LCOR: variants seen among roughly 807,000 people sequenced by gnomAD.
The protein encoded by LCOR is ligand-dependent corepressor.
A neutral mutation model predicts 64.4 loss-of-function variants in LCOR; 14 were observed. That is an observed-to-expected ratio of 0.22 (90% CI 0.14 to 0.34). The LOEUF is 0.34. LCOR is among the 10% of genes least tolerant of loss of function. The pLI, the probability that LCOR is intolerant of heterozygous loss-of-function variation, is 1.00. For synonymous variants in LCOR, 643 were observed against 642.5 expected (o/e 1.00, Z -0.01); for missense variants, 1,686 against 1,765.3 (o/e 0.96, Z 0.80).
chr10:96,927,363 C>G (rs1161860056), intron 4 of LCOR, among the ~76,000 whole-genome samples: 3 of 151,656 alleles, frequency 2.0e-5, no homozygotes, highest in East Asian at 1.9e-4. Context: ...TATAATAATT[C>G]TTTATATATT....
At chr10:96,966,842 C>T (rs778488102) in intron 7 of LCOR, among the ~76,000 whole-genome samples, 3 of 152,118 alleles carry the variant, frequency 2.0e-5, no homozygotes, top group African/African-American at 7.2e-5. Context: ...CTTACGTGAT[C>T]CTCCCACCTC....
At chr10:96,898,988 CG>C (rs1336874187) in intron 2 of LCOR, among the ~76,000 whole-genome samples, 3 of 151,988 alleles carry the variant, frequency 2.0e-5, no homozygotes, top group Non-Finnish European at 4.4e-5. Flanking sequence ...ACTCAATGAC[CG>C]GAATACTTGG....
chr10:96,876,930 G>GC (rs1378956582), intron 2 of LCOR, among the ~76,000 whole-genome samples: 2 of 152,138 alleles, frequency 1.3e-5, no homozygotes, highest in Non-Finnish European at 2.9e-5. Context: ...CCTGACCTCA[G>GC]GTGATCCACC....
At chr10:96,833,308 C>T in intron 1 of LCOR, 98 bp from the exon 2 acceptor site, 1 of 948,418 alleles carries the variant, frequency 1.1e-6, no homozygotes, top group Non-Finnish European at 1.3e-6. Context: ...TTTTTCCCTG[C>T]GGGCCGGAGG....
At chr10:96,870,130 C>T (rs910130509) in intron 2 of LCOR, among the ~76,000 whole-genome samples, 1 of 152,126 alleles carries the variant, frequency 6.6e-6, no homozygotes, top group Non-Finnish European at 1.5e-5. Flanking sequence ...TCTCGGCTCA[C>T]TGCAAGCTCT....
intron 2 of LCOR, among the ~76,000 whole-genome samples, chr10:96,849,607 C>T (rs1845692424): frequency 1.3e-5 from 2 of 152,172 alleles, no homozygotes; most frequent in African/African-American, 4.8e-5. Flanking sequence ...GATAATTACA[C>T]TCGACCTTAT....
At chr10:96,949,328 A>T in intron 6 of LCOR, 33 bp downstream of exon 6, 1 of 1,593,046 alleles carries the variant, frequency 6.3e-7, no homozygotes. Flanking sequence ...CCTCTATCTT[A>T]TCAGAATACT....
intron 2 of LCOR, among the ~76,000 whole-genome samples, chr10:96,850,204 C>T (rs1157342909): frequency 6.6e-6 from 1 of 152,124 alleles, no homozygotes. Flanking sequence ...AAGAGTAGAT[C>T]CATCAGCATC....
intron 2 of LCOR, among the ~76,000 whole-genome samples, chr10:96,870,211 G>A (rs939188807): frequency 6.6e-5 from 10 of 151,566 alleles, no homozygotes; most frequent in African/African-American, 2.2e-4. Context: ...TTGTAGAGAC[G>A]GGGTTTCACC....
At chr10:96,886,710 G>A (rs1416146779) in intron 2 of LCOR, among the ~76,000 whole-genome samples, 2 of 152,086 alleles carry the variant, frequency 1.3e-5, no homozygotes, top group Non-Finnish European at 2.9e-5. Context: ...TGGATTGTTT[G>A]TCTAATCTTT....
chr10:96,977,214 A>C (rs1848046710), intron 7 of LCOR, among the ~76,000 whole-genome samples: 1 of 152,204 alleles, frequency 6.6e-6, no homozygotes, highest in Non-Finnish European at 1.5e-5. Flanking sequence ...ATTTATTTTT[A>C]CTTAAAGTAC....
chr10:96,848,945 CTA>C (rs1459236749), intron 2 of LCOR, among the ~76,000 whole-genome samples: 3 of 137,110 alleles, frequency 2.2e-5, no homozygotes, highest in Non-Finnish European at 4.6e-5. Flanking sequence ...ATAAATAGAT[CTA>C]TGTTTTTGAA....
intron 5 of LCOR, among the ~76,000 whole-genome samples, chr10:96,947,103 T>C (rs1847602022): frequency 6.6e-6 from 1 of 152,074 alleles, no homozygotes; most frequent in Admixed American, 6.6e-5. Flanking sequence ...AAGCAGTGTA[T>C]GGATAAAATG....
chr10:96,896,954 T>C (rs916599958), intron 2 of LCOR, among the ~76,000 whole-genome samples: 3 of 152,158 alleles, frequency 2.0e-5, no homozygotes, highest in African/African-American at 7.2e-5. Flanking sequence ...TTATCTCTGT[T>C]CTTTCAACTA....
chr10:96,955,228 A>C (rs368361834), intron 7 of LCOR: 5 of 1,614,138 alleles, frequency 3.1e-6, no homozygotes, highest in Non-Finnish European at 4.2e-6. Context: ...TACGAGTTCA[A>C]CCTCAGCCGT....
At chr10:96,896,613 G>T (rs1284470562) in intron 2 of LCOR, among the ~76,000 whole-genome samples, 1 of 151,918 alleles carries the variant, frequency 6.6e-6, no homozygotes, top group African/African-American at 2.4e-5. Flanking sequence ...TAATAGAGAT[G>T]GGGTTTTACC....
intron 7 of LCOR, among the ~76,000 whole-genome samples, chr10:96,974,885 T>C (rs936476841): frequency 6.6e-6 from 1 of 152,232 alleles, no homozygotes; most frequent in African/African-American, 2.4e-5. Context: ...TTAGGTGCTA[T>C]TGGCCGGGTG....
At chr10:96,966,163 CTTT>C (rs57378535) in intron 7 of LCOR, among the ~76,000 whole-genome samples, 5 of 90,046 alleles carry the variant, frequency 5.6e-5, no homozygotes, top group Admixed American at 1.2e-4. Context: ...AAAATGGAAA[CTTT>C]TTTTTTTTTT....
intron 2 of LCOR, among the ~76,000 whole-genome samples, chr10:96,874,421 A>G (rs916774658): frequency 1.3e-5 from 2 of 152,204 alleles, no homozygotes; most frequent in Admixed American, 6.5e-5. Context: ...CTTTCCATGC[A>G]TATTTTAGTG....
Sources: allele counts gnomAD v4.1 joint callset (sites outside exome capture counted in the v4.1 genomes callset), GRCh38; gene constraint gnomAD v4.1.1; transcripts MANE v1.5; gene names NCBI Gene and HGNC (gene_info 2026-07-23, HGNC 2026-07-21).